The following GALM variants were observed in gnomAD, a reference collection of about 807,000 sequenced individuals.
GALM encodes aldose 1-epimerase.
In GALM, 43 loss-of-function variants were observed where a neutral mutation model predicts 37.4. The ratio of observed to expected loss-of-function variants is 1.15; its 90% CI spans 0.90 to 1.48. The LOEUF is 1.48. Among genes scored for constraint, GALM ranks in the 40% most tolerant of loss-of-function variants. The pLI, the probability that GALM is intolerant of heterozygous loss-of-function variation, is 0.00. For synonymous variants in GALM, 199 were observed against 170.6 expected (o/e 1.17, Z -1.30); for missense variants, 456 against 419.1 (o/e 1.09, Z -0.77).
At chr2:38,712,607 C>A (rs889292338) in intron 4 of GALM, among the ~76,000 whole-genome samples, 9 of 152,192 alleles carry the variant, frequency 5.9e-5, no homozygotes, top group African/African-American at 2.2e-4. Flanking sequence ...TTAATCCCCG[C>A]AGATAGTTAG....
At chr2:38,719,262 G>C (rs1230031443) in intron 4 of GALM, among the ~76,000 whole-genome samples, 5 of 151,478 alleles carry the variant, frequency 3.3e-5, no homozygotes, top group Non-Finnish European at 1.5e-5. Flanking sequence ...ACGAGGTCAG[G>C]AGTTCAAGAC....
rs796150100 is a variant in GALM at position 38,675,518 on chromosome 2, G to GGTTTTT, written c.191-394_191-393insGTTTTT. On this transcript the variant is annotated intron_variant, in intron 1 of 6. Transcript: ENST00000272252. ...CATGCAACACACCTTTGGATTGAGG[G>GGTTTTT]TTTTTTTGTTTTTTTTTTTTTTTTT... Among the ~76,000 whole-genome samples, 15 of 104,976 alleles carry GGTTTTT rather than the reference G, an allele frequency of 1.4e-4. 2 individuals carry two copies. Among genetic ancestry groups the GGTTTTT allele is most frequent in the African/African-American group, 6.8e-4 (15 of 22,196 alleles). The allele number at this position is 104,976 out of a possible 152,430, so 68.9% of individuals were successfully genotyped here.
At chr2:38,689,970 G>C (rs1665633612) in intron 4 of GALM, 76 bp downstream of exon 4, 2 of 766,946 alleles carry the variant, frequency 2.6e-6, no homozygotes, top group African/African-American at 3.5e-5. Flanking sequence ...CATTAGTGGA[G>C]AAAGCGGTGA....
chr2:38,700,124 G>A (rs936134773), intron 4 of GALM, among the ~76,000 whole-genome samples: 7 of 152,044 alleles, frequency 4.6e-5, no homozygotes, highest in African/African-American at 1.4e-4. Flanking sequence ...GCTAATTTTT[G>A]TATTTTTAGT....
At chr2:38,710,289 C>T (rs560794700) in intron 4 of GALM, among the ~76,000 whole-genome samples, 1 of 152,292 alleles carries the variant, frequency 6.6e-6, no homozygotes, top group East Asian at 1.9e-4. Context: ...TATTTAGAGC[C>T]TATAAAATAG....
chr2:38,729,491 G>A (rs1666554533), intron 4 of GALM, 65 bp from the exon 5 acceptor site: 2 of 1,437,344 alleles, frequency 1.4e-6, no homozygotes, highest in African/African-American at 2.8e-5. Context: ...GAGCCTTTGT[G>A]GAGGCTCTAT....
In GALM at chr2:38,722,051, C is replaced by G. The variant is rs1194270943; in HGVS notation, c.635-7505C>G. On this transcript the variant is annotated intron_variant, in intron 4 of 6. Coordinates refer to ENST00000272252, the MANE Select transcript of GALM (RefSeq NM_138801.3). ...CCCTTCCCCCCCCCACCCCCCCCCC[C>G]CACCTAGAACAGAAGCGCATCATGC... 5.7e-5 allele frequency among the ~76,000 whole-genome samples: 7 copies of G among 121,894 alleles called. No homozygotes were observed. The East Asian group carries it at 1.3e-3, about 22-fold the overall frequency. The allele number at this position is 121,894 out of a possible 152,430, so 80.0% of individuals were successfully genotyped here.
chr2:38,681,211 A>T, intron 2 of GALM, 69 bp from the exon 3 acceptor site: 1 of 1,171,078 alleles, frequency 8.5e-7, no homozygotes, highest in Non-Finnish European at 1.3e-6. Flanking sequence ...AGTTGTCTTT[A>T]AATATTGAAA....
chr2:38,683,952 G>T (rs1242355145), intron 3 of GALM, among the ~76,000 whole-genome samples: 1 of 152,160 alleles, frequency 6.6e-6, no homozygotes, highest in African/African-American at 2.4e-5. Flanking sequence ...CTTCAGGTTT[G>T]AAGGTGGATG....
chr2:38,728,036 GTA>G (rs1666522575), intron 4 of GALM, among the ~76,000 whole-genome samples: 1 of 152,282 alleles, frequency 6.6e-6, no homozygotes. Flanking sequence ...CCCTAAAAGA[GTA>G]TGTTAACCTC....
intron 4 of GALM, among the ~76,000 whole-genome samples, chr2:38,706,781 C>G (rs1371374620): frequency 6.8e-6 from 1 of 146,070 alleles, no homozygotes; most frequent in East Asian, 2.0e-4. Context: ...GTAGTCCCAG[C>G]TACTCAGGAG....
At chr2:38,732,297 A>G (rs767276402) in intron 6 of GALM, among the ~76,000 whole-genome samples, 1 of 152,136 alleles carries the variant, frequency 6.6e-6, no homozygotes, top group Non-Finnish European at 1.5e-5. Flanking sequence ...ACCTCAGGTG[A>G]TCCACCTGCC....
At chr2:38,732,035 T>C in intron 6 of GALM, 126 bp downstream of exon 6, 1 of 873,580 alleles carries the variant, frequency 1.1e-6, no homozygotes, top group Non-Finnish European at 1.7e-6. Context: ...TGGTTTGTTT[T>C]TTGAGACAGA....
rs753693329 is a variant in GALM at position 38,729,584 on chromosome 2, A to G, written c.663A>G (p.Ala221=). 6.2e-7 allele frequency: 1 copy of G among 1,613,640 alleles called. No individual in the cohort carries two copies. Among genetic ancestry groups the G allele is most frequent in the East Asian group, 2.2e-5 (1 of 44,850 alleles). The part of the protein sequence containing the change: ...TGEVAPVQGT[A]FDLRKPVELG... ...AAGTTGCCCCAGTGCAAGGCACTGC[A>G]TTCGACCTGAGAAAGCCAGTGGAGC... The change falls in exon 5 of 7, where the codon GCA becomes GCG. Residue 221 remains alanine (A), a synonymous_variant. Coordinates refer to ENST00000272252, the MANE Select transcript of GALM (RefSeq NM_138801.3).
At position 38,680,530 on chromosome 2, in the gene GALM, T is replaced by C. The variant is rs184078130; in HGVS notation, c.346-750T>C. Reference sequence around the variant, plus strand: ...CTTGACTTGTAGGCTACAACTCTTCTTAATGGCACAAATGCCTTATTTGTT... The same window carrying C: ...CTTGACTTGTAGGCTACAACTCTTCCTAATGGCACAAATGCCTTATTTGTT... On this transcript the variant is annotated intron_variant, in intron 2 of 6. Coordinates refer to ENST00000272252, the MANE Select transcript of GALM (RefSeq NM_138801.3). 5.6e-3 allele frequency among the ~76,000 whole-genome samples: 847 copies of C among 152,272 alleles called. 6 individuals are homozygous for C. Among genetic ancestry groups the C allele is most frequent in the South Asian group, 0.019 (93 of 4,824 alleles).
intron 2 of GALM, among the ~76,000 whole-genome samples, chr2:38,677,301 TATGGCCACTA>T (rs778742209): frequency 1.4e-4 from 21 of 152,316 alleles, no homozygotes; most frequent in Non-Finnish European, 1.9e-4. Context: ...CAGGAACATG[TATGGCCACTA>T]ATGGCCACAG....
chr2:38,686,631 T>C (rs763548501), intron 3 of GALM, among the ~76,000 whole-genome samples: 2 of 152,056 alleles, frequency 1.3e-5, no homozygotes, highest in Non-Finnish European at 2.9e-5. Context: ...CAGAAGTCTA[T>C]CAACAGGAGA....
chr2:38,686,240 C>CTTTT (rs1240589617), intron 3 of GALM, among the ~76,000 whole-genome samples: 1 of 92,006 alleles, frequency 1.1e-5, no homozygotes. Flanking sequence ...TTCTTTCTTT[C>CTTTT]TTTCTTTCTT....
intron 4 of GALM, among the ~76,000 whole-genome samples, chr2:38,720,507 G>C (rs375784962): frequency 2.9e-4 from 44 of 151,368 alleles, no homozygotes; most frequent in African/African-American, 1.0e-3. Context: ...TGTGAAGTCA[G>C]TGCTAGGAGG....
Sources: allele counts gnomAD v4.1 joint callset (sites outside exome capture counted in the v4.1 genomes callset), GRCh38; gene constraint gnomAD v4.1.1; transcripts MANE v1.5; gene names NCBI Gene and HGNC (gene_info 2026-07-23, HGNC 2026-07-21).